NRG3: variants seen among roughly 807,000 people sequenced by gnomAD.
The protein encoded by NRG3 is neuregulin 3.
In NRG3, 31 loss-of-function variants were observed where a neutral mutation model predicts 66.9. The ratio of observed to expected loss-of-function variants is 0.46; its 90% CI spans 0.35 to 0.63. The LOEUF is 0.63. Among genes scored for constraint, NRG3 ranks in the 20% least tolerant of loss-of-function variants. The pLI, the probability that NRG3 is intolerant of heterozygous loss-of-function variation, is 0.00. For synonymous variants in NRG3, 393 were observed against 359.4 expected (o/e 1.09, Z -1.06); for missense variants, 910 against 878.9 (o/e 1.04, Z -0.45).
At chr10:82,745,968 T>G (rs2058625955) in intron 3 of NRG3, among the ~76,000 whole-genome samples, 1 of 152,178 alleles carries the variant, frequency 6.6e-6, no homozygotes, top group Non-Finnish European at 1.5e-5. Context: ...CTTGGCTCAC[T>G]GCAGCCTCAA....
intron 2 of NRG3, among the ~76,000 whole-genome samples, chr10:82,518,993 G>A (rs931160): frequency 6.6e-6 from 1 of 152,118 alleles, no homozygotes; most frequent in East Asian, 1.9e-4. Flanking sequence ...TAATCCTATT[G>A]CATTTCCCCA....
intron 3 of NRG3, among the ~76,000 whole-genome samples, chr10:82,783,996 G>A (rs1052573518): frequency 6.6e-6 from 1 of 151,820 alleles, no homozygotes; most frequent in Non-Finnish European, 1.5e-5. Flanking sequence ...CATGGTACTG[G>A]TACCAAAACA....
chr10:82,774,570 A>G (rs537788332), intron 3 of NRG3, among the ~76,000 whole-genome samples: 78 of 152,082 alleles, frequency 5.1e-4, no homozygotes, highest in African/African-American at 1.8e-3. Context: ...ATTGTTCACA[A>G]TAGCCGATTA....
chr10:82,256,361 A>G (rs1190233168), intron 1 of NRG3, among the ~76,000 whole-genome samples: 1 of 152,120 alleles, frequency 6.6e-6, no homozygotes, highest in Non-Finnish European at 1.5e-5. Context: ...TGTTGCTTTC[A>G]ATGTACGTTA....
intron 1 of NRG3, among the ~76,000 whole-genome samples, chr10:82,100,870 T>G (rs970206087): frequency 1.3e-5 from 2 of 152,042 alleles, no homozygotes; most frequent in Non-Finnish European, 2.9e-5. Flanking sequence ...GGAAGATTTT[T>G]TTTGGCCTCA....
chr10:82,682,941 T>G (rs2054214841), intron 2 of NRG3, among the ~76,000 whole-genome samples: 1 of 145,152 alleles, frequency 6.9e-6, no homozygotes, highest in African/African-American at 2.6e-5. Context: ...ACAGACCATG[T>G]CTTAATTTTT....
intron 4 of NRG3, among the ~76,000 whole-genome samples, chr10:82,896,978 C>T (rs1214143910): frequency 1.3e-5 from 2 of 152,168 alleles, no homozygotes; most frequent in Non-Finnish European, 2.9e-5. Flanking sequence ...GATCCATTTC[C>T]ATCCATCTGC....
chr10:82,266,847 G>T (rs1387471767), intron 1 of NRG3, among the ~76,000 whole-genome samples: 8 of 152,164 alleles, frequency 5.3e-5, no homozygotes, highest in African/African-American at 1.4e-4. Context: ...CTCATAGCAG[G>T]TTATGGATCC....
At chr10:82,192,487 C>T (rs1009295245) in intron 1 of NRG3, among the ~76,000 whole-genome samples, 4 of 152,086 alleles carry the variant, frequency 2.6e-5, no homozygotes, top group Non-Finnish European at 5.9e-5. Flanking sequence ...TAAAGATATC[C>T]ACCTATTGTC....
chr10:82,969,632 T>C (rs1409909290), intron 6 of NRG3, among the ~76,000 whole-genome samples: 2 of 152,248 alleles, frequency 1.3e-5, no homozygotes, highest in African/African-American at 4.8e-5. Flanking sequence ...TGGCTTGTTT[T>C]GGAAGTTATT....
chr10:82,245,307 G>T (rs1045323302), intron 1 of NRG3, among the ~76,000 whole-genome samples: 1 of 152,142 alleles, frequency 6.6e-6, no homozygotes, highest in Non-Finnish European at 1.5e-5. Context: ...TCTGACAGGA[G>T]ACGGAGCTCA....
chr10:82,884,129 T>A lies in NRG3; in HGVS notation c.1054+18692T>A, dbSNP rs112342883. Reference sequence around the variant, plus strand: ...ATAAGCAAAATGGGTCTACACTTTGTTTTACCTGTCTACCATTAAAAATTT... The same window carrying A: ...ATAAGCAAAATGGGTCTACACTTTGATTTACCTGTCTACCATTAAAAATTT... On this transcript the variant is annotated intron_variant, in intron 4 of 8. Coordinates refer to ENST00000372141, the MANE Select transcript of NRG3 (RefSeq NM_001010848.4). 2.3e-3 allele frequency among the ~76,000 whole-genome samples: 348 copies of A among 151,934 alleles called. 2 individuals carry two copies. The highest frequency in any genetic ancestry group is 7.5e-3 in the African/African-American group (311 of 41,318).
chr10:82,193,600 G>T (rs1386630374), intron 1 of NRG3, among the ~76,000 whole-genome samples: 2 of 152,194 alleles, frequency 1.3e-5, no homozygotes, highest in African/African-American at 4.8e-5. Flanking sequence ...GAGATGAAAA[G>T]AAGTGGAGTG....
intron 2 of NRG3, among the ~76,000 whole-genome samples, chr10:82,569,662 A>C (rs1205520932): frequency 6.6e-6 from 1 of 151,638 alleles, no homozygotes. Context: ...TTTTCTGCCT[A>C]TGTCTCCTTT....
intron 5 of NRG3, among the ~76,000 whole-genome samples, chr10:82,954,949 T>G (rs2132399504): frequency 6.6e-6 from 1 of 151,968 alleles, no homozygotes; most frequent in South Asian, 2.1e-4. Flanking sequence ...CATTTTTTAC[T>G]TTAGCTTAGA....
Position 82,973,858 on chromosome 10 carries a change from A to G in NRG3, c.1355A>G (p.Gln452Arg). The G allele has an allele frequency of 6.2e-7, 1 of 1,614,088 alleles. No homozygotes were observed. The highest frequency in any genetic ancestry group is 8.5e-7 in the Non-Finnish European group (1 of 1,179,964). ...KMMESSFVGP[Q>R]SFPEVPSPDR... ...ATGGAGTCAAGTTTTGTCGGCCCCC[A>G]GTCATTCCCTGAGGTCCCTTCTCCT... is the stretch of plus-strand genomic sequence containing the variant. The change falls in exon 7 of 9, where the codon CAG (glutamine) becomes CGG (arginine). Residue 452 changes from glutamine (Q) to arginine (R), a missense_variant. By Grantham distance (43) the Gln-to-Arg change is conservative. Transcript: ENST00000372141.
At chr10:82,397,063 G>A (rs374070139) in intron 2 of NRG3, among the ~76,000 whole-genome samples, 1 of 152,114 alleles carries the variant, frequency 6.6e-6, no homozygotes, top group African/African-American at 2.4e-5. Context: ...CCTTCCTGTT[G>A]TGTCTGTCAT....
At chr10:82,832,270 A>T (rs919257576) in intron 3 of NRG3, among the ~76,000 whole-genome samples, 1 of 152,180 alleles carries the variant, frequency 6.6e-6, no homozygotes, top group Non-Finnish European at 1.5e-5. Flanking sequence ...GTCTGTGGAG[A>T]CAGGGGCTTC....
chr10:82,645,379 C>T (rs552079892), intron 2 of NRG3, among the ~76,000 whole-genome samples: 1 of 152,304 alleles, frequency 6.6e-6, no homozygotes, highest in South Asian at 2.1e-4. Context: ...TGCCTTGTGA[C>T]AGTCACTGTC....
Sources: allele counts gnomAD v4.1 joint callset (sites outside exome capture counted in the v4.1 genomes callset), GRCh38; gene constraint gnomAD v4.1.1; transcripts MANE v1.5; gene names NCBI Gene and HGNC (gene_info 2026-07-23, HGNC 2026-07-21).